Variants in DGLUCY observed in about 807,000 individuals in gnomAD.
DGLUCY encodes the protein D-glutamate cyclase, mitochondrial.
DGLUCY carries 58 observed loss-of-function variants against 58.5 expected under a neutral mutation model. The ratio of observed to expected loss-of-function variants is 0.99; its 90% confidence interval spans 0.80 to 1.23. The LOEUF (loss-of-function observed/expected upper bound fraction) is 1.23. Among genes scored for constraint, DGLUCY ranks in the 50% most tolerant of loss-of-function variants. The pLI is 0.00. For synonymous variants in DGLUCY, 325 were observed against 314.1 expected (o/e 1.03, Z -0.37); for missense variants, 779 against 784.7 (o/e 0.99, Z 0.09).
At chr14:91,205,628 C>T (rs1275349527) in intron 12 of DGLUCY, among the ~76,000 whole-genome samples, 2 of 152,080 alleles carry the variant, frequency 1.3e-5, no homozygotes, top group Non-Finnish European at 2.9e-5. Flanking sequence ...TGGGGGCCCT[C>T]GTGCTCTTGT....
At chr14:91,074,110 T>TACACAC (rs1269120699) in intron 1 of DGLUCY, among the ~76,000 whole-genome samples, 5 of 62,808 alleles carry the variant, frequency 8.0e-5, no homozygotes, top group Non-Finnish European at 1.7e-4. Context: ...AAAAAATATA[T>TACACAC]ATATATATAC....
intron 10 of DGLUCY, 152 bp downstream of exon 10, chr14:91,196,626 A>C: frequency 1.6e-5 from 10 of 637,270 alleles, no homozygotes; most frequent in East Asian, 2.9e-5. Flanking sequence ...AGACTAACAA[A>C]TGAGGCTGGG....
At chr14:91,212,541 A>C (rs1885851627) in intron 12 of DGLUCY, among the ~76,000 whole-genome samples, 1 of 151,948 alleles carries the variant, frequency 6.6e-6, no homozygotes, top group Non-Finnish European at 1.5e-5. Flanking sequence ...CATTGAATAT[A>C]AGATGTCATT....
upstream of DGLUCY, among the ~76,000 whole-genome samples, chr14:91,113,000 A>T (rs931582165): frequency 1.9e-5 from 2 of 106,710 alleles, no homozygotes; most frequent in South Asian, 2.6e-4. Flanking sequence ...TACATCTAAA[A>T]AAAAAAAAAA....
chr14:91,152,138 A>G (rs947279670), intron 1 of DGLUCY, among the ~76,000 whole-genome samples: 6 of 152,174 alleles, frequency 3.9e-5, no homozygotes, highest in African/African-American at 1.2e-4. Flanking sequence ...TGTAATCCCA[A>G]CACTTTGGGA....
intron 1 of DGLUCY, among the ~76,000 whole-genome samples, chr14:91,131,336 A>G (rs916054734): frequency 1.6e-4 from 24 of 151,998 alleles, no homozygotes; most frequent in African/African-American, 5.6e-4. Flanking sequence ...CTTAATTTTG[A>G]TGTCAAATTT....
intron 8 of DGLUCY, among the ~76,000 whole-genome samples, chr14:91,184,629 AAGGAAGGG>A (rs1377569396): frequency 1.3e-5 from 1 of 78,292 alleles, no homozygotes; most frequent in African/African-American, 6.3e-5. Context: ...GGAAGGAAGG[AAGGAAGGG>A]AGGGAGGGAG....
intron 12 of DGLUCY, among the ~76,000 whole-genome samples, chr14:91,212,525 T>C (rs1885848542): frequency 6.6e-6 from 1 of 151,830 alleles, no homozygotes; most frequent in Admixed American, 6.6e-5. Context: ...AAGAAGATAC[T>C]CTGTTCATTG....
chr14:91,073,651 T>C (rs978017785), intron 1 of DGLUCY, among the ~76,000 whole-genome samples: 44 of 152,228 alleles, frequency 2.9e-4, no homozygotes, highest in Middle Eastern at 3.4e-3. Context: ...AAGGGTTATC[T>C]GGTTGCTGGC....
chr14:91,224,859 T>TC lies in DGLUCY; in HGVS notation c.*29dup. The TC allele has an allele frequency of 6.4e-7, 1 of 1,570,568 alleles. No individual in the cohort carries two copies. Among genetic ancestry groups the TC allele is most frequent in the Non-Finnish European group, 8.7e-7 (1 of 1,149,910 alleles). On this transcript the variant is annotated 3_prime_UTR_variant, in exon 14 of 14. Transcript: ENST00000256324. ...CCGTCCATGTTCCGTGTGAGCAGAGTCCCTACCAACGGGCAGGTCTGCATC... is the reference window on the plus strand; with the variant it reads ...CCGTCCATGTTCCGTGTGAGCAGAGTCCCCTACCAACGGGCAGGTCTGCATC...
chr14:91,160,660 G>T (rs1316018350), intron 3 of DGLUCY, among the ~76,000 whole-genome samples: 4 of 152,064 alleles, frequency 2.6e-5, no homozygotes, highest in African/African-American at 9.7e-5. Flanking sequence ...GCCCCATATG[G>T]AGAACCACCA....
chr14:91,199,788 G>T lies in DGLUCY; in HGVS notation c.1327G>T (p.Gly443Ter). The T allele has an allele frequency of 6.2e-7, 1 of 1,614,164 alleles. No homozygotes were observed. Among genetic ancestry groups the T allele is most frequent in the Non-Finnish European group, 8.5e-7 (1 of 1,180,032 alleles). ...CCACCTGGTGGCCATAGAGCGTGCC[G>T]GAAGAGCTGCTGATGGCAATTACTA... ...FDHLVAIERA[G>*]RAADGNYYNA... Residue 443 changes from glycine to a stop codon, truncating the protein, a stop_gained, in exon 11 of 14, where the codon GGA becomes TGA. Transcript: ENST00000256324. LOFTEE classifies it high-confidence loss of function.
intron 1 of DGLUCY, among the ~76,000 whole-genome samples, chr14:91,076,246 A>ACT (rs1481561580): frequency 6.6e-6 from 1 of 152,164 alleles, no homozygotes; most frequent in Non-Finnish European, 1.5e-5. Context: ...CCCCAAGGAT[A>ACT]CTAATATCCA....
intron 9 of DGLUCY, among the ~76,000 whole-genome samples, chr14:91,190,740 G>A (rs188175622): frequency 3.1e-4 from 47 of 152,224 alleles, no homozygotes; most frequent in African/African-American, 1.1e-3. Context: ...GGGACAGAGA[G>A]GTAACAGGGA....
intron 13 of DGLUCY, among the ~76,000 whole-genome samples, chr14:91,218,488 C>T (rs764015515): frequency 2.0e-5 from 3 of 151,802 alleles, no homozygotes; most frequent in Admixed American, 1.3e-4. Context: ...CTGCAACCTC[C>T]GCCTCCCAGG....
intron 13 of DGLUCY, chr14:91,220,750 G>A (rs1160331334): frequency 2.5e-5 from 11 of 442,980 alleles, no homozygotes; most frequent in Non-Finnish European, 4.6e-5. Context: ...GGAAGCCTCA[G>A]CACCATGTTC....
At chr14:91,218,404 A>ATTTTTT (rs35615811) in intron 13 of DGLUCY, among the ~76,000 whole-genome samples, 3 of 145,988 alleles carry the variant, frequency 2.1e-5, no homozygotes, top group Non-Finnish European at 4.5e-5. Context: ...TAAAATGGGG[A>ATTTTTT]TTTTTTTTTT....
At chr14:91,215,649 C>CGCCA (rs1240757567) in intron 13 of DGLUCY, 93 bp downstream of exon 13, 1 of 1,601,182 alleles carries the variant, frequency 6.2e-7, no homozygotes. Flanking sequence ...CGAGGGCTGG[C>CGCCA]ACCCTGCTGC....
At chr14:91,107,127 G>A (rs1341400060), upstream of DGLUCY, among the ~76,000 whole-genome samples, 1 of 152,160 alleles carries the variant, frequency 6.6e-6, no homozygotes, top group Non-Finnish European at 1.5e-5. Context: ...GTACAAGCGA[G>A]CTAAAACATT....
Sources: gnomAD v4.1 joint callset for allele counts (sites outside exome capture counted in the v4.1 genomes callset) on GRCh38, gnomAD v4.1.1 for gene constraint, MANE v1.5 for transcripts, NCBI Gene and HGNC (gene_info 2026-07-23, HGNC 2026-07-21) for gene names.